The following CCDC30 variants were observed in gnomAD, a reference collection of about 807,000 sequenced individuals.
CCDC30 encodes coiled-coil domain-containing protein 30.
CCDC30 carries 70 observed loss-of-function variants against 100.2 expected under a neutral mutation model. That is an observed-to-expected ratio of 0.70 (90% CI 0.58 to 0.85). CCDC30 has a LOEUF of 0.85. CCDC30 is among the 40% of genes least tolerant of loss of function. CCDC30 has a pLI of 0.00. For missense variants in CCDC30, 652 were observed against 771.2 expected (o/e 0.85, Z 1.83); for synonymous variants, 233 against 269.5 (o/e 0.86, Z 1.33).
chr1:42,656,240 T>C (rs1362959090), downstream of CCDC30, among the ~76,000 whole-genome samples: 1 of 152,192 alleles, frequency 6.6e-6, no homozygotes, highest in Admixed American at 6.5e-5. Context: ...TTTTCTTCTT[T>C]TGAATTACTC....
chr1:42,457,680 C>T, the CCDC30 span: 33 of 256,632 alleles, frequency 1.3e-4, 1 homozygote, highest in South Asian at 1.4e-3. Context: ...GAACCGAGCG[C>T]GGTGGCTCAC....
chr1:42,457,526 C>T, the CCDC30 span: 3 of 622,788 alleles, frequency 4.8e-6, no homozygotes, highest in Non-Finnish European at 8.6e-6. Context: ...GAGCTGGACA[C>T]AGACATAATT....
In CCDC30 at chr1:42,611,071, C is replaced by T. The variant is rs184953500; in HGVS notation, c.1258C>T (p.Leu420=). The T allele has an allele frequency of 1.1e-5, 18 of 1,599,300 alleles. No individual in the cohort carries two copies. The East Asian group carries it at 3.3e-4, about 30-fold the overall frequency. The change falls in exon 11 of 17, where the codon CTG becomes TTG. Residue 420 remains leucine (L), a synonymous_variant. Coordinates refer to ENST00000668663, the Ensembl canonical transcript of CCDC30. ...TGAAGAATATTTGCGATTATTGAAG[C>T]TGCTTAATGTCCATGTGAGGTAAAC...
intron 6 of CCDC30, among the ~76,000 whole-genome samples, chr1:42,531,244 C>CT (rs1230832249): frequency 1.3e-5 from 2 of 152,148 alleles, no homozygotes; most frequent in African/African-American, 4.8e-5. Flanking sequence ...TTCCTCTTCC[C>CT]TTTTTTGCCA....
intron 8 of CCDC30, among the ~76,000 whole-genome samples, chr1:42,578,680 A>G (rs369812459): frequency 2.0e-5 from 3 of 152,314 alleles, no homozygotes; most frequent in Admixed American, 6.5e-5. Flanking sequence ...TGTTTTAAAG[A>G]TGTGTGCATC....
chr1:42,487,412 TAC>T, intron 3 of CCDC30, among the ~76,000 whole-genome samples: 1 of 152,062 alleles, frequency 6.6e-6, no homozygotes, highest in African/African-American at 2.4e-5. Flanking sequence ...CCCCCTGGTA[TAC>T]ACACATATTT....
At chr1:42,480,131 TAACTC>T (rs776129175) in intron 1 of CCDC30, among the ~76,000 whole-genome samples, 14 of 152,178 alleles carry the variant, frequency 9.2e-5, no homozygotes, top group South Asian at 2.1e-4. Context: ...ATATAAAAAT[TAACTC>T]AAATTGTTTG....
At chr1:42,538,397 G>A (rs1644949866) in intron 6 of CCDC30, among the ~76,000 whole-genome samples, 1 of 151,898 alleles carries the variant, frequency 6.6e-6, no homozygotes, top group Admixed American at 6.6e-5. Context: ...GGTTAATTAA[G>A]TCACTGAATA....
chr1:42,560,648 G>A (rs1645468399), intron 6 of CCDC30, among the ~76,000 whole-genome samples: 2 of 152,018 alleles, frequency 1.3e-5, no homozygotes, highest in South Asian at 4.1e-4. Flanking sequence ...TATTACAGGT[G>A]TGAGCCACTG....
intron 4 of CCDC30, among the ~76,000 whole-genome samples, chr1:42,492,686 C>T (rs566895363): frequency 9.9e-5 from 15 of 151,848 alleles, no homozygotes; most frequent in East Asian, 9.7e-4. Flanking sequence ...CTCACGTTGT[C>T]GCCCAGGCTG....
intron 10 of CCDC30, among the ~76,000 whole-genome samples, chr1:42,607,133 G>T (rs1205631839): frequency 6.6e-6 from 1 of 152,190 alleles, no homozygotes; most frequent in Non-Finnish European, 1.5e-5. Context: ...AGCTAGCAAA[G>T]TAGCAGCTAC....
rs75447396 is a variant in CCDC30, at chr1:42,522,663, A to G, written c.456+23747A>G. Among the ~76,000 whole-genome samples the G allele has an allele frequency of 3.8e-3, 581 of 152,290 alleles. 1 individual carries two copies. The highest frequency in any genetic ancestry group is 0.012 in the African/African-American group (515 of 41,558). On this transcript the variant is annotated intron_variant, in intron 6 of 16. Coordinates refer to ENST00000668663, the Ensembl canonical transcript of CCDC30. The stretch of plus-strand genomic sequence containing the variant: ...ATCCCTTTCAGTTTTGATGTCCCAA[A>G]ATTACATCTTTGTACAAATGTGTTT...
intron 6 of CCDC30, among the ~76,000 whole-genome samples, chr1:42,538,509 G>T (rs1644952325): frequency 1.3e-5 from 2 of 151,772 alleles, no homozygotes; most frequent in African/African-American, 4.8e-5. Context: ...ACAGGAGGAT[G>T]GTTTGAGCCC....
intron 6 of CCDC30, among the ~76,000 whole-genome samples, chr1:42,560,841 A>T (rs907500423): frequency 2.0e-5 from 3 of 152,226 alleles, no homozygotes; most frequent in Non-Finnish European, 2.9e-5. Context: ...TATGCAAATA[A>T]ACTAGAAAAT....
At chr1:42,570,158 T>G (rs1645702347) in intron 7 of CCDC30, among the ~76,000 whole-genome samples, 1 of 151,818 alleles carries the variant, frequency 6.6e-6, no homozygotes, top group South Asian at 2.1e-4. Context: ...ATTTAAAAAT[T>G]TAAAAATAAA....
chr1:42,581,345 G>GT lies in CCDC30; in HGVS notation c.847-9dup, dbSNP rs1340865527. 6.3e-7 allele frequency: 1 copy of GT among 1,587,436 alleles called. No homozygotes were observed. The highest frequency in any genetic ancestry group is 8.5e-7 in the Non-Finnish European group (1 of 1,170,798). On this transcript the variant is annotated splice_polypyrimidine_tract_variant and intron_variant, in intron 8 of 16. Transcript: ENST00000668663. ...TCTTCTTAATGCTTTACTTGTAAAT[G>GT]TTTTTTCATTCAAGATTTTGGACCT...
chr1:42,646,198 A>C (rs749863765), exon 15 of CCDC30: 3 of 1,591,328 alleles, frequency 1.9e-6, no homozygotes, highest in Non-Finnish European at 2.6e-6. Context: ...TCTCCCTCCA[A>C]CAAAGAAACA....
At chr1:42,497,238 C>T (rs1266803274) in intron 5 of CCDC30, 25 bp downstream of exon 5, 13 of 1,166,798 alleles carry the variant, frequency 1.1e-5, no homozygotes, top group Admixed American at 8.5e-5. Flanking sequence ...CTTCTTAGAA[C>T]GTATTTAAAT....
At chr1:42,550,857 T>A (rs1268150975) in intron 6 of CCDC30, among the ~76,000 whole-genome samples, 1 of 152,244 alleles carries the variant, frequency 6.6e-6, no homozygotes, top group Non-Finnish European at 1.5e-5. Context: ...AACATATATT[T>A]GACAAATAAA....
Sources: gnomAD v4.1 joint callset for allele counts (sites outside exome capture counted in the v4.1 genomes callset) on GRCh38, gnomAD v4.1.1 for gene constraint, MANE v1.5 for transcripts, NCBI Gene and HGNC (gene_info 2026-07-23, HGNC 2026-07-21) for gene names.